Variants in ABCG8 observed in about 807,000 individuals in gnomAD.
ABCG8 encodes the protein ATP binding cassette subfamily G member 8, also known as ATP-binding cassette sub-family G member 8.
Under a neutral mutation model 71.3 loss-of-function variants are expected in ABCG8, and 81 were observed. The observed-to-expected ratio is 1.14, with a 90% confidence interval of 0.95 to 1.37. The LOEUF is 1.37. ABCG8 is among the 40% of genes most tolerant of loss of function. The pLI, the probability that ABCG8 is intolerant of heterozygous loss-of-function variation, is 0.00. For synonymous variants in ABCG8, 451 were observed against 354.7 expected (o/e 1.27, Z -3.05); for missense variants, 1,119 against 866.2 (o/e 1.29, Z -3.66).
At chr2:43,874,994 C>A in intron 10 of ABCG8, 152 bp from the exon 11 acceptor site, 1 of 1,105,270 alleles carries the variant, frequency 9.0e-7, no homozygotes, top group East Asian at 2.5e-5. Context: ...GCACTGAGCT[C>A]ATGCTCCTGG....
chr2:43,853,834 C>A (rs536017101), intron 6 of ABCG8, among the ~76,000 whole-genome samples: 29 of 152,318 alleles, frequency 1.9e-4, no homozygotes, highest in Non-Finnish European at 3.2e-4. Flanking sequence ...CCTCGTCCAG[C>A]AGCCCACACC....
At chr2:43,854,920 G>T (rs1572838994) in intron 6 of ABCG8, among the ~76,000 whole-genome samples, 1 of 152,166 alleles carries the variant, frequency 6.6e-6, no homozygotes, top group Non-Finnish European at 1.5e-5. Flanking sequence ...TAGGAGGCAG[G>T]GGCTGATCAG....
intron 1 of ABCG8, among the ~76,000 whole-genome samples, chr2:43,843,280 G>A (rs1668638619): frequency 6.6e-6 from 1 of 152,204 alleles, no homozygotes; most frequent in African/African-American, 2.4e-5. Flanking sequence ...GTGCATGGTT[G>A]ATTGAAGGAA....
intron 6 of ABCG8, among the ~76,000 whole-genome samples, chr2:43,871,127 GATA>G (rs1669752106): frequency 2.7e-5 from 4 of 146,140 alleles, no homozygotes; most frequent in South Asian, 2.2e-4. Context: ...TCACTATCTG[GATA>G]GAATTCTCAC....
In ABCG8 at chr2:43,846,188, C is replaced by A. The variant is rs1668737432; in HGVS notation, c.199C>A (p.Gln67Lys). 1 of 1,613,930 alleles carries A rather than the reference C, an allele frequency of 6.2e-7. No homozygotes were observed. The highest frequency in any genetic ancestry group is 8.5e-7 in the Non-Finnish European group (1 of 1,180,026). ...GGCCTCTCAGGTCCCTTGGTTTGAG[C>A]AGCTGGCTCAGTTCAAGATGCCCTG... ...DLASQVPWFE[Q>K]LAQFKMPWTS... is the part of the protein sequence containing the mutation. Residue 67 changes from glutamine to lysine, a missense_variant, in exon 3 of 13, where the codon CAG (glutamine) becomes AAG (lysine). By Grantham distance (53) the Gln-to-Lys change is moderately conservative. Coordinates refer to ENST00000272286, the MANE Select transcript of ABCG8 (RefSeq NM_022437.3).
chr2:43,872,586 G>C (rs1472494894), intron 8 of ABCG8, among the ~76,000 whole-genome samples: 1 of 152,086 alleles, frequency 6.6e-6, no homozygotes, highest in African/African-American at 2.4e-5. Context: ...AGCCAGTTAT[G>C]GTGGCGTGGG....
At chr2:43,863,929 T>C (rs867563896) in intron 6 of ABCG8, among the ~76,000 whole-genome samples, 1 of 151,396 alleles carries the variant, frequency 6.6e-6, no homozygotes, top group South Asian at 2.1e-4. Flanking sequence ...CGGAAACATC[T>C]CTCACAATCT....
rs755397250 is a variant in ABCG8 at position 43,877,615 on chromosome 2, TGAA to T, written c.1814_1816del (p.Lys605del). The T allele has an allele frequency of 6.2e-7, 1 of 1,613,968 alleles. No individual in the cohort carries two copies. The highest frequency in any genetic ancestry group is 8.5e-7 in the Non-Finnish European group (1 of 1,180,010). On this transcript the variant is annotated inframe_deletion, in exon 12 of 13. Transcript: ENST00000272286. ...CTGCGGTGGTGTTTTGAAGGGCTGA[TGAA>T]GATTCAGTTCAGCAGAAGAACTTAT...
intron 6 of ABCG8, among the ~76,000 whole-genome samples, chr2:43,871,621 G>A (rs1211219092): frequency 6.6e-6 from 1 of 152,164 alleles, no homozygotes; most frequent in Admixed American, 6.5e-5. Context: ...GCCAGAGCAT[G>A]ACTGTCATGT....
At position 43,879,109 on chromosome 2, in the gene ABCG8, GA is replaced by G. The variant is rs1670051633; in HGVS notation, c.*1197del. On this transcript the variant is annotated 3_prime_UTR_variant, in exon 13 of 13. Transcript: ENST00000272286. ...ATTTCTTCATAGCAGTGTGAGAGCA[GA>G]TGAATACACTGGCCCTGCCTGGGTT... 6.6e-6 allele frequency: 1 copy of G among 152,284 alleles called. No individual in the cohort carries two copies. Among genetic ancestry groups the G allele is most frequent in the Non-Finnish European group, 1.5e-5 (1 of 68,110 alleles). 9.4% of individuals were successfully genotyped at this position (152,284 alleles called of 1,614,324 possible).
intron 2 of ABCG8, among the ~76,000 whole-genome samples, chr2:43,845,318 T>G (rs2104911555): frequency 6.6e-6 from 1 of 152,124 alleles, no homozygotes; most frequent in African/African-American, 2.4e-5. Context: ...TCTGGCTTCC[T>G]GTGGGTGTGA....
chr2:43,839,088 C>G lies in ABCG8; in HGVS notation c.35C>G (p.Pro12Arg). The change falls in exon 1 of 13, where the codon CCG (proline) becomes CGG (arginine). Residue 12 changes from proline to arginine, a missense_variant. Physicochemically the swap from Pro to Arg is moderately radical, Grantham distance 103 (BLOSUM62 -2). Transcript: ENST00000272286. Reference sequence around the variant, plus strand: ...AAGGCGGCAGAGGAGAGAGGGCTGCCGAAAGGGGCCACTCCCCAGGATACC... The same window carrying G: ...AAGGCGGCAGAGGAGAGAGGGCTGCGGAAAGGGGCCACTCCCCAGGATACC... ...AGKAAEERGLPKGATPQDTSG... is the reference protein window; with the variant it reads ...AGKAAEERGLRKGATPQDTSG... 1 of 1,551,174 alleles carries G rather than the reference C, an allele frequency of 6.4e-7. No individual in the cohort carries two copies. Among genetic ancestry groups the G allele is most frequent in the Middle Eastern group, 1.7e-4 (1 of 5,972 alleles).
rs765186399 is a variant in ABCG8, at chr2:43,844,596, C to T, written c.153C>T (p.Asp51=). ...SGQPNTLEVR[D]LNYQVDLASQ... ...AGCCCAACACCCTGGAGGTCAGAGA[C>T]CTCAACTACCAGGTAGAGGCACGCC... Residue 51 remains aspartate (D), a synonymous_variant, in exon 2 of 13, where the codon GAC becomes GAT. Transcript: ENST00000272286. 1 of 1,613,700 alleles carries T rather than the reference C, an allele frequency of 6.2e-7. No individual in the cohort carries two copies. Among genetic ancestry groups the T allele is most frequent in the Non-Finnish European group, 8.5e-7 (1 of 1,179,636 alleles).
At chr2:43,842,349 C>CA (rs1366813172) in intron 1 of ABCG8, among the ~76,000 whole-genome samples, 3 of 152,152 alleles carry the variant, frequency 2.0e-5, no homozygotes, top group African/African-American at 7.2e-5. Context: ...TCAACAACAA[C>CA]AACAAAAATG....
intron 11 of ABCG8, among the ~76,000 whole-genome samples, chr2:43,877,097 T>TGG (rs1435084834): frequency 7.4e-6 from 1 of 135,890 alleles, no homozygotes; most frequent in African/African-American, 2.9e-5. Context: ...GAGGAAACTG[T>TGG]GAATATGGGG....
chr2:43,845,148 C>G (rs902907891), intron 2 of ABCG8, among the ~76,000 whole-genome samples: 3 of 150,074 alleles, frequency 2.0e-5, no homozygotes. Flanking sequence ...TGTACTATCC[C>G]TGGAGCTTAT....
chr2:43,850,001 A>T (rs1011625135), intron 3 of ABCG8, among the ~76,000 whole-genome samples: 2 of 152,040 alleles, frequency 1.3e-5, no homozygotes, highest in African/African-American at 4.8e-5. Context: ...GGGGTTCGAG[A>T]CCAGCCTGGC....
chr2:43,845,487 T>C (rs79833658), intron 2 of ABCG8, among the ~76,000 whole-genome samples: 3,570 of 152,312 alleles, frequency 0.023, 138 homozygotes, highest in African/African-American at 0.081. Context: ...GTGATGGATG[T>C]TAAGTGATTA....
In ABCG8 at chr2:43,872,309, A is replaced by G; in HGVS notation, c.1211+3A>G. The G allele has an allele frequency of 1.2e-6, 2 of 1,613,304 alleles. No homozygotes were observed. Among genetic ancestry groups the G allele is most frequent in the Non-Finnish European group, 1.7e-6 (2 of 1,179,746 alleles). ...CAGCAGTTTACGACGCTGATCCGGT[A>G]ATTATCTGTCATTTTATTACTGAAC... is the stretch of plus-strand genomic sequence containing the variant. On this transcript the variant is annotated splice_donor_region_variant and intron_variant, in intron 8 of 12. Transcript: ENST00000272286.
Sources: allele counts gnomAD v4.1 joint callset (sites outside exome capture counted in the v4.1 genomes callset), GRCh38; gene constraint gnomAD v4.1.1; transcripts MANE v1.5; gene names NCBI Gene and HGNC (gene_info 2026-07-23, HGNC 2026-07-21).